CPPED1: variants seen among roughly 807,000 people sequenced by gnomAD.
CPPED1 encodes the protein calcineurin like phosphoesterase domain containing 1.
CPPED1 carries 28 observed loss-of-function variants against 28.0 expected under a neutral mutation model. The observed-to-expected ratio is 1.00, with a 90% confidence interval of 0.74 to 1.37. The LOEUF (loss-of-function observed/expected upper bound fraction) is 1.37. Among genes scored for constraint, CPPED1 ranks in the 40% most tolerant of loss-of-function variants. The pLI, the probability that CPPED1 is intolerant of heterozygous loss-of-function variation, is 0.00. For missense variants in CPPED1, 504 were observed against 416.5 expected, an observed-to-expected ratio of 1.21 and a Z score of -1.83; for synonymous variants, 198 against 180.2, an observed-to-expected ratio of 1.10 and a Z score of -0.79.
chr16:12,701,810 G>A (rs1203130754), intron 3 of CPPED1, among the ~76,000 whole-genome samples: 2 of 152,176 alleles, frequency 1.3e-5, no homozygotes, highest in Non-Finnish European at 2.9e-5. Context: ...AGACACGAAG[G>A]AGGTAGAATT....
Position 12,706,932 on chromosome 16 carries a change from T to TCTGC in CPPED1, c.290-1887_290-1884dup, listed in dbSNP as rs778131256. Among the ~76,000 whole-genome samples the TCTGC allele has an allele frequency of 1.3e-3, 191 of 152,298 alleles. 1 individual carries two copies. The highest frequency in any genetic ancestry group is 2.2e-3 in the Non-Finnish European group (150 of 68,028). On this transcript the variant is annotated intron_variant, in intron 2 of 3. Transcript: ENST00000381774. ...GAGGGAGCCTTAGGGAGAAGCAGGT[T>TCTGC]CTGCCTGCACCAGAAACCAGGAGGC...
intron 2 of CPPED1, among the ~76,000 whole-genome samples, chr16:12,722,373 G>C (rs1567286499): frequency 6.6e-6 from 1 of 152,344 alleles, no homozygotes; most frequent in East Asian, 1.9e-4. Context: ...CAGGCTGCAG[G>C]GCAGCCAGAC....
chr16:12,731,666 C>T lies in CPPED1; in HGVS notation c.290-26617G>A, dbSNP rs191906237. 1.9e-4 allele frequency among the ~76,000 whole-genome samples: 28 copies of T among 151,010 alleles called. No homozygotes were observed. In the South Asian group the frequency reaches 3.4e-3, roughly 18 times the overall value. On this transcript the variant is annotated intron_variant, in intron 2 of 3. Transcript: ENST00000381774. Reference sequence around the variant, plus strand: ...ATCACGCGATGGTGAAGGCCGTGGGCGAGAAGGCCTCCCTCCCCCGCATTT... The same window carrying T: ...ATCACGCGATGGTGAAGGCCGTGGGTGAGAAGGCCTCCCTCCCCCGCATTT...
intron 3 of CPPED1, among the ~76,000 whole-genome samples, chr16:12,695,815 T>C (rs1261925241): frequency 6.6e-6 from 1 of 152,222 alleles, no homozygotes; most frequent in Non-Finnish European, 1.5e-5. Flanking sequence ...GCTCGAGTCT[T>C]TCTGAGCCTC....
chr16:12,689,740 A>G (rs955719373), intron 3 of CPPED1, among the ~76,000 whole-genome samples: 2 of 152,202 alleles, frequency 1.3e-5, no homozygotes, highest in African/African-American at 4.8e-5. Flanking sequence ...ACATGCCCAC[A>G]TTAGCTCCTG....
intron 3 of CPPED1, among the ~76,000 whole-genome samples, chr16:12,695,189 G>C (rs1472340406): frequency 1.3e-5 from 2 of 152,206 alleles, no homozygotes; most frequent in African/African-American, 4.8e-5. Context: ...ATTCAAAGGT[G>C]TGTTTACTAA....
intron 2 of CPPED1, among the ~76,000 whole-genome samples, chr16:12,766,694 G>A (rs2080441637): frequency 6.6e-6 from 1 of 152,094 alleles, no homozygotes; most frequent in South Asian, 2.1e-4. Flanking sequence ...GCTTGAACCA[G>A]GGGGGCGCAG....
Position 12,676,073 on chromosome 16 carries a change from G to A in CPPED1, c.716-10958C>T, listed in dbSNP as rs1045151579. 3.9e-5 allele frequency among the ~76,000 whole-genome samples: 6 copies of A among 152,242 alleles called. No homozygotes were observed. The East Asian group carries it at 5.8e-4, about 15-fold the overall frequency. On this transcript the variant is annotated intron_variant, in intron 3 of 3. Coordinates refer to ENST00000381774, the MANE Select transcript of CPPED1 (RefSeq NM_018340.3). ...TTCAGGAAGAGGTTCTTCACTTTTC[G>A]TCGTCAATTGGGGAATTCTAGATTC...
intron 3 of CPPED1, among the ~76,000 whole-genome samples, chr16:12,684,371 A>C (rs2079921637): frequency 6.6e-6 from 1 of 152,162 alleles, no homozygotes; most frequent in Non-Finnish European, 1.5e-5. Flanking sequence ...AAGCAAAACC[A>C]CTTGGGCCAC....
At chr16:12,746,630 T>C (rs1160181999) in intron 2 of CPPED1, among the ~76,000 whole-genome samples, 1 of 152,196 alleles carries the variant, frequency 6.6e-6, no homozygotes, top group East Asian at 1.9e-4. Flanking sequence ...TTTTTTCTTA[T>C]AATTTAAATT....
At chr16:12,756,424 G>A (rs541480066) in intron 2 of CPPED1, among the ~76,000 whole-genome samples, 1 of 152,138 alleles carries the variant, frequency 6.6e-6, no homozygotes. Context: ...GCCAGGTGCG[G>A]TGGCTCATGT....
At chr16:12,734,081 T>G (rs2141207094) in intron 2 of CPPED1, among the ~76,000 whole-genome samples, 1 of 136,056 alleles carries the variant, frequency 7.3e-6, no homozygotes, top group East Asian at 2.1e-4. Context: ...TTTTTTTTTT[T>G]TTTTTTTGAG....
chr16:12,731,724 CTT>C (rs921139794), intron 2 of CPPED1, among the ~76,000 whole-genome samples: 3 of 144,926 alleles, frequency 2.1e-5, no homozygotes, highest in Non-Finnish European at 3.0e-5. Context: ...CTTTTTCATT[CTT>C]TTTTTTTTTT....
chr16:12,720,008 C>T (rs957092558), intron 2 of CPPED1, among the ~76,000 whole-genome samples: 1 of 151,426 alleles, frequency 6.6e-6, no homozygotes, highest in African/African-American at 2.4e-5. Flanking sequence ...ACTATGTGCA[C>T]ACACACACAC....
rs3074348 is a variant in CPPED1, at chr16:12,663,061, GTTTT to G, written c.*1821_*1824del. The G allele has an allele frequency of 5.3e-5, 7 of 131,120 alleles. No individual in the cohort carries two copies. Among genetic ancestry groups the G allele is most frequent in the Non-Finnish European group, 8.2e-5 (5 of 60,662 alleles). 8.1% of individuals were successfully genotyped at this position (131,120 alleles called of 1,614,324 possible). ...TCAAGTCTCAATGTGTGTGTGTGTG[GTTTT>G]TTTTTTTTTTTTTTGAGACAGAGTC... is the stretch of plus-strand genomic sequence containing the variant. On this transcript the variant is annotated 3_prime_UTR_variant, in exon 4 of 4. Transcript: ENST00000381774.
At chr16:12,717,554 G>A (rs1271048654) in intron 2 of CPPED1, among the ~76,000 whole-genome samples, 2 of 152,092 alleles carry the variant, frequency 1.3e-5, no homozygotes, top group African/African-American at 2.4e-5. Context: ...GTGAGCCACC[G>A]TGCCCGGCTG....
intron 3 of CPPED1, among the ~76,000 whole-genome samples, chr16:12,696,438 C>CTT (rs1180336228): frequency 2.2e-4 from 26 of 120,712 alleles, no homozygotes; most frequent in Non-Finnish European, 2.7e-4. Flanking sequence ...AAGTGACTTT[C>CTT]TTTTTTTTTT....
chr16:12,754,164 A>G lies in CPPED1; in HGVS notation c.289+27021T>C, dbSNP rs2080349559. On this transcript the variant is annotated intron_variant, in intron 2 of 3. Transcript: ENST00000381774. ...GTGATGGAGGGGCACACTCGGGTTC[A>G]CTGTGGCTTTTGAACCCACCCATTT... is the stretch of plus-strand genomic sequence containing the variant. Among the ~76,000 whole-genome samples the G allele has an allele frequency of 2.0e-5, 3 of 152,218 alleles. No homozygotes were observed. In the South Asian group the frequency reaches 6.2e-4, roughly 32 times the overall value.
At chr16:12,788,499 G>T (rs564642273) in intron 1 of CPPED1, among the ~76,000 whole-genome samples, 74 of 152,246 alleles carry the variant, frequency 4.9e-4, no homozygotes, top group African/African-American at 1.6e-3. Context: ...ACTAGAAATT[G>T]TCAGTGCTGG....
Sources: allele counts gnomAD v4.1 joint callset (sites outside exome capture counted in the v4.1 genomes callset), GRCh38; gene constraint gnomAD v4.1.1; transcripts MANE v1.5; gene names NCBI Gene and HGNC (gene_info 2026-07-23, HGNC 2026-07-21).